Variants in C2orf80 observed in about 807,000 individuals in gnomAD.
C2orf80 encodes chromosome 2 open reading frame 80.
Under a neutral mutation model 30.2 loss-of-function variants are expected in C2orf80, and 28 were observed. The ratio of observed to expected loss-of-function variants is 0.93; its 90% CI spans 0.69 to 1.27. The LOEUF (loss-of-function observed/expected upper bound fraction) is 1.27. Among genes scored for constraint, C2orf80 ranks in the 50% most tolerant of loss-of-function variants. The probability of loss-of-function intolerance (pLI) is 0.00; values close to 1 mark genes in which losing one functional copy is unlikely to be tolerated. For missense variants in C2orf80, 220 were observed against 231.0 expected (o/e 0.95, Z 0.31); for synonymous variants, 80 against 76.4 (o/e 1.05, Z -0.24).
chr2:208,181,324 T>TACA lies in C2orf80; in HGVS notation c.207-22_207-20dup. The TACA allele has an allele frequency of 6.7e-7, 1 of 1,486,634 alleles. No individual in the cohort carries two copies. The highest frequency in any genetic ancestry group is 9.4e-7 in the Non-Finnish European group (1 of 1,064,444). 92.1% of individuals were successfully genotyped at this position (1,486,634 alleles called of 1,614,324 possible). On this transcript the variant is annotated intron_variant, in intron 4 of 8. Coordinates refer to ENST00000341287, the MANE Select transcript of C2orf80 (RefSeq NM_001099334.3). ...TATTTTCCTAATGGGGAATAGGAAA[T>TACA]ACAAGTGGAAGATTTATTCTTGTTC...
At chr2:208,179,417 T>C (rs10202532) in intron 6 of C2orf80, among the ~76,000 whole-genome samples, 7,828 of 152,302 alleles carry the variant, frequency 0.051, 636 homozygotes, top group African/African-American at 0.18. Context: ...GGCCACAGCC[T>C]TGCCCCTGCC....
chr2:208,189,163 C>T (rs534928387), intron 1 of C2orf80, among the ~76,000 whole-genome samples: 5 of 152,324 alleles, frequency 3.3e-5, no homozygotes, highest in African/African-American at 1.2e-4. Flanking sequence ...ACTATTTGGC[C>T]TATCTCAATT....
At chr2:208,168,867 A>C (rs1695998456) in intron 8 of C2orf80, among the ~76,000 whole-genome samples, 1 of 150,512 alleles carries the variant, frequency 6.6e-6, no homozygotes, top group Non-Finnish European at 1.5e-5. Flanking sequence ...CAATCAGCCT[A>C]TAGAAAGGTC....
intron 6 of C2orf80, among the ~76,000 whole-genome samples, chr2:208,178,112 C>G (rs1696426310): frequency 6.6e-6 from 1 of 152,120 alleles, no homozygotes; most frequent in South Asian, 2.1e-4. Flanking sequence ...GCTACCGCGC[C>G]CAGCCTTCTA....
rs1054345684 is a variant in C2orf80, at chr2:208,172,209, C to T, written c.367-134G>A. On this transcript the variant is annotated intron_variant, in intron 6 of 8. Coordinates refer to ENST00000341287, the MANE Select transcript of C2orf80 (RefSeq NM_001099334.3). ...ATTGTTGAGTACTGTCCAACGGACACACTGTCCACAGTCCATTGATGGGGC... is the reference window on the plus strand; with the variant it reads ...ATTGTTGAGTACTGTCCAACGGACATACTGTCCACAGTCCATTGATGGGGC... 7.4e-5 allele frequency: 56 copies of T among 758,816 alleles called. No homozygotes were observed. The African/African-American group carries it at 7.9e-4, about 11-fold the overall frequency. 47.0% of individuals were successfully genotyped at this position (758,816 alleles called of 1,614,324 possible). A position where few individuals can be genotyped will look rare whatever the true frequency, so the allele number is the denominator to read the frequency against.
intron 5 of C2orf80, 77 bp from the exon 6 acceptor site, chr2:208,180,893 G>C: frequency 8.2e-7 from 1 of 1,220,120 alleles, no homozygotes; most frequent in Admixed American, 1.9e-5. Flanking sequence ...AGCTAATATA[G>C]CTCCAGTATG....
intron 2 of C2orf80, among the ~76,000 whole-genome samples, chr2:208,185,633 A>T (rs1347946474): frequency 2.0e-5 from 3 of 152,144 alleles, no homozygotes; most frequent in East Asian, 3.9e-4. Context: ...TACCCCGGGA[A>T]TGTGACAGAG....
intron 3 of C2orf80, among the ~76,000 whole-genome samples, chr2:208,184,233 G>A (rs912998656): frequency 6.7e-6 from 1 of 150,290 alleles, no homozygotes; most frequent in African/African-American, 2.4e-5. Context: ...CTTGTAATAC[G>A]ACCTCATTAA....
chr2:208,167,534 A>T (rs1453475782), intron 8 of C2orf80, among the ~76,000 whole-genome samples: 1 of 151,152 alleles, frequency 6.6e-6, no homozygotes, highest in Non-Finnish European at 1.5e-5. Context: ...AAAAAACAAA[A>T]AACAAACAAA....
chr2:208,170,161 C>G (rs1696049380), intron 8 of C2orf80, among the ~76,000 whole-genome samples: 1 of 152,202 alleles, frequency 6.6e-6, no homozygotes, highest in Non-Finnish European at 1.5e-5. Flanking sequence ...TTACAGCCTT[C>G]CAGCATATCT....
Position 208,180,269 on chromosome 2 carries a change from G to T in C2orf80, c.366+476C>A, listed in dbSNP as rs187354072. ...GTTTGAGACCAGCCTGGTCAACATG[G>T]CAAAACCCCATCTCTACCAAAAAAT... is the stretch of plus-strand genomic sequence containing the variant. On this transcript the variant is annotated intron_variant, in intron 6 of 8. Transcript: ENST00000341287. Among the ~76,000 whole-genome samples the T allele has an allele frequency of 1.6e-3, 247 of 152,158 alleles. 1 individual carries two copies. Among genetic ancestry groups the T allele is most frequent in the African/African-American group, 5.7e-3 (237 of 41,534 alleles).
At chr2:208,166,452 T>C (rs988618058) in intron 8 of C2orf80, among the ~76,000 whole-genome samples, 19 of 152,186 alleles carry the variant, frequency 1.2e-4, no homozygotes, top group African/African-American at 4.1e-4. Context: ...TCTTAACCAA[T>C]CCTACCCAAA....
intron 6 of C2orf80, among the ~76,000 whole-genome samples, chr2:208,173,120 C>CAAA (rs57629811): frequency 1.2e-4 from 9 of 72,382 alleles, no homozygotes; most frequent in East Asian, 8.6e-4. Context: ...AACCTCATCT[C>CAAA]AAAAAAAAAA....
intron 6 of C2orf80, among the ~76,000 whole-genome samples, chr2:208,176,967 A>ATACAGATCTG (rs1696355790): frequency 1.3e-5 from 1 of 78,326 alleles, no homozygotes; most frequent in African/African-American, 4.1e-5. Flanking sequence ...ATACATATGT[A>ATACAGATCTG]TACATATATA....
At chr2:208,174,808 G>A (rs1472786679) in intron 6 of C2orf80, among the ~76,000 whole-genome samples, 2 of 152,180 alleles carry the variant, frequency 1.3e-5, no homozygotes, top group African/African-American at 4.8e-5. Context: ...GAAGAAAGAA[G>A]GAAAGCAGAG....
At chr2:208,167,391 G>A (rs937254564) in intron 8 of C2orf80, among the ~76,000 whole-genome samples, 8 of 151,522 alleles carry the variant, frequency 5.3e-5, no homozygotes, top group Non-Finnish European at 1.2e-4. Flanking sequence ...GTGTGGTGGT[G>A]CACACCTGTA....
Position 208,185,563 on chromosome 2 carries a change from A to G in C2orf80, c.42-531T>C, listed in dbSNP as rs528417468. Reference sequence around the variant, plus strand: ...TATCCTTAGTGGATCCTTTCCTAACAGTGACTTTTAATAAAAGAAGGTAAA... The same window carrying G: ...TATCCTTAGTGGATCCTTTCCTAACGGTGACTTTTAATAAAAGAAGGTAAA... On this transcript the variant is annotated intron_variant, in intron 2 of 8. Coordinates refer to ENST00000341287, the MANE Select transcript of C2orf80 (RefSeq NM_001099334.3). 6.4e-4 allele frequency among the ~76,000 whole-genome samples: 97 copies of G among 152,304 alleles called. 4 individuals carry two copies. In the South Asian group the frequency reaches 0.019, roughly 30 times the overall value.
At chr2:208,183,110 G>A (rs1696612463) in intron 3 of C2orf80, 63 bp from the exon 4 acceptor site, 1 of 1,321,696 alleles carries the variant, frequency 7.6e-7, no homozygotes, top group South Asian at 1.2e-5. Flanking sequence ...GTACTCCCTG[G>A]ACCCAATGAC....
intron 5 of C2orf80, 78 bp downstream of exon 5, chr2:208,181,140 T>C (rs1431649241): frequency 3.9e-6 from 4 of 1,027,620 alleles, no homozygotes; most frequent in Admixed American, 2.1e-5. Context: ...TGAAAAATAA[T>C]GTAAATATTC....
Sources: allele counts gnomAD v4.1 joint callset (sites outside exome capture counted in the v4.1 genomes callset), GRCh38; gene constraint gnomAD v4.1.1; transcripts MANE v1.5; gene names NCBI Gene and HGNC (gene_info 2026-07-23, HGNC 2026-07-21).